PPARG: variants seen among roughly 807,000 people sequenced by gnomAD.
PPARG encodes peroxisome proliferator activated receptor gamma.
PPARG carries 17 observed loss-of-function variants against 39.2 expected under a neutral mutation model. The ratio of observed to expected loss-of-function variants is 0.43; its 90% confidence interval spans 0.30 to 0.65. The LOEUF (loss-of-function observed/expected upper bound fraction) is 0.65. Among genes scored for constraint, PPARG ranks in the 30% least tolerant of loss-of-function variants. The probability of loss-of-function intolerance (pLI) is 0.13; values close to 1 mark genes in which losing one functional copy is unlikely to be tolerated. For synonymous variants in PPARG, 223 were observed against 215.7 expected, an observed-to-expected ratio of 1.03 and a Z score of -0.30; for missense variants, 406 against 585.9, an observed-to-expected ratio of 0.69 and a Z score of 3.17.
upstream of PPARG, chr3:12,288,794 G>A (rs1343099178): frequency 6.6e-6 from 1 of 152,304 alleles, no homozygotes; most frequent in Non-Finnish European, 1.5e-5. Flanking sequence ...GCGCAGCCAG[G>A]ACCCCCAGCC....
intron 5 of PPARG, among the ~76,000 whole-genome samples, chr3:12,393,699 T>G (rs1205345642): frequency 6.6e-6 from 1 of 152,142 alleles, no homozygotes; most frequent in Non-Finnish European, 1.5e-5. Context: ...TTCTTTTGTT[T>G]TCATCTCTCT....
At position 12,417,902 on chromosome 3, in the gene PPARG, C is replaced by CTTTTTTTTTTTTT; in HGVS notation, c.1180+759_1180+771dup. Reference sequence around the variant, plus strand: ...CTTTTTTTTTTCTTTTTTTTTTTTCCTTTTTTTTTTTTTTTTTTTTTTTGT... The same window carrying CTTTTTTTTTTTTT: ...CTTTTTTTTTTCTTTTTTTTTTTTCCTTTTTTTTTTTTTTTTTTTTTTTTTTTTTTTTTTTTGT... On this transcript the variant is annotated intron_variant, in intron 7 of 7. Coordinates refer to ENST00000651735, the MANE Select transcript of PPARG (RefSeq NM_138711.6). Among the ~76,000 whole-genome samples the CTTTTTTTTTTTTT allele has an allele frequency of 1.1e-3, 70 of 65,894 alleles. 2 individuals carry two copies. The highest frequency in any genetic ancestry group is 1.7e-3 in the African/African-American group (29 of 16,964). 43.2% of individuals were successfully genotyped at this position (65,894 alleles called of 152,430 possible).
chr3:12,309,027 G>T (rs1463331025), intron 1 of PPARG, among the ~76,000 whole-genome samples: 1 of 152,166 alleles, frequency 6.6e-6, no homozygotes, highest in African/African-American at 2.4e-5. Flanking sequence ...TACAAGGTTT[G>T]CAGAGTACAT....
chr3:12,315,971 A>G (rs2047377450), intron 2 of PPARG, among the ~76,000 whole-genome samples: 1 of 152,178 alleles, frequency 6.6e-6, no homozygotes, highest in African/African-American at 2.4e-5. Context: ...TCGTAGTCTT[A>G]TATTTGTTTG....
intron 2 of PPARG, among the ~76,000 whole-genome samples, chr3:12,374,612 A>C (rs764359738): frequency 1.6e-4 from 24 of 152,122 alleles, no homozygotes; most frequent in Non-Finnish European, 3.1e-4. Flanking sequence ...CAAAAACAAA[A>C]CAAAACAAAA....
chr3:12,404,981 A>T (rs1046551549), intron 5 of PPARG, among the ~76,000 whole-genome samples: 9 of 152,298 alleles, frequency 5.9e-5, no homozygotes, highest in African/African-American at 1.7e-4. Context: ...GTAAGAACAG[A>T]GCTATGTATG....
At chr3:12,334,695 A>T (rs1422014630) in intron 2 of PPARG, among the ~76,000 whole-genome samples, 1 of 152,182 alleles carries the variant, frequency 6.6e-6, no homozygotes, top group African/African-American at 2.4e-5. Context: ...TGTGAACTCT[A>T]AAAGACTATA....
chr3:12,388,138 A>G (rs966479524), intron 4 of PPARG, among the ~76,000 whole-genome samples: 6 of 152,146 alleles, frequency 3.9e-5, no homozygotes, highest in African/African-American at 1.4e-4. Context: ...GAACAGTTCT[A>G]TACATTAGCA....
intron 7 of PPARG, among the ~76,000 whole-genome samples, chr3:12,428,756 G>A (rs2051547926): frequency 6.6e-6 from 1 of 152,212 alleles, no homozygotes; most frequent in Non-Finnish European, 1.5e-5. Context: ...CCCTTGACTA[G>A]AGCTTAAAGA....
intron 2 of PPARG, among the ~76,000 whole-genome samples, chr3:12,358,247 ATTAT>A (rs1312027945): frequency 3.9e-5 from 6 of 152,196 alleles, no homozygotes; most frequent in African/African-American, 1.4e-4. Context: ...TGATACTTCC[ATTAT>A]TTATTTGAAC....
intron 5 of PPARG, among the ~76,000 whole-genome samples, chr3:12,397,139 A>G (rs947710788): frequency 1.3e-5 from 2 of 151,958 alleles, no homozygotes; most frequent in African/African-American, 4.8e-5. Context: ...GCTGACTAGG[A>G]TGTCTTATTA....
chr3:12,307,995 A>G (rs1475242819), intron 1 of PPARG, among the ~76,000 whole-genome samples: 1 of 152,090 alleles, frequency 6.6e-6, no homozygotes, highest in African/African-American at 2.4e-5. Context: ...CCAAGAGGAA[A>G]CTTAGAGAAC....
At chr3:12,329,317 T>C (rs111918230) in intron 2 of PPARG, among the ~76,000 whole-genome samples, 1 of 152,370 alleles carries the variant, frequency 6.6e-6, no homozygotes, top group South Asian at 2.1e-4. Context: ...AGTTCAACTG[T>C]TGATCAATTA....
intron 2 of PPARG, among the ~76,000 whole-genome samples, chr3:12,334,696 A>T (rs1162723235): frequency 6.6e-6 from 1 of 152,152 alleles, no homozygotes; most frequent in African/African-American, 2.4e-5. Flanking sequence ...GTGAACTCTA[A>T]AAGACTATAC....
At chr3:12,392,137 C>CA (rs376883327) in intron 4 of PPARG, among the ~76,000 whole-genome samples, 62 of 152,016 alleles carry the variant, frequency 4.1e-4, no homozygotes, top group African/African-American at 1.4e-3. Flanking sequence ...TAGAGAATTC[C>CA]AAAAAAATTA....
At chr3:12,312,233 C>T (rs550589615) in intron 1 of PPARG, 147 bp from the exon 2 acceptor site, 1 of 152,162 alleles carries the variant, frequency 6.6e-6, no homozygotes, top group African/African-American at 2.4e-5. Context: ...ATTGTAGGCT[C>T]AGGGAAAGCA....
intron 2 of PPARG, among the ~76,000 whole-genome samples, chr3:12,312,783 T>A (rs2047284756): frequency 6.6e-6 from 1 of 152,222 alleles, no homozygotes; most frequent in Admixed American, 6.5e-5. Flanking sequence ...TATGATACTT[T>A]TAATTAAATT....
chr3:12,432,525 A>T (rs774288924), intron 7 of PPARG, among the ~76,000 whole-genome samples: 11 of 152,246 alleles, frequency 7.2e-5, no homozygotes, highest in Non-Finnish European at 1.5e-4. Context: ...TCTATAGCAA[A>T]CATCATAGTT....
intron 4 of PPARG, among the ~76,000 whole-genome samples, chr3:12,389,688 C>T (rs1288661381): frequency 6.6e-6 from 1 of 151,970 alleles, no homozygotes; most frequent in Non-Finnish European, 1.5e-5. Context: ...GCTGGGAGTT[C>T]AAGACCAGCC....
Sources: allele counts gnomAD v4.1 joint callset (sites outside exome capture counted in the v4.1 genomes callset), GRCh38; gene constraint gnomAD v4.1.1; transcripts MANE v1.5; gene names NCBI Gene and HGNC (gene_info 2026-07-23, HGNC 2026-07-21).